The following APELA variants were observed in gnomAD, a reference collection of about 807,000 sequenced individuals.
APELA encodes protein Elabela.
At position 164,886,882 on chromosome 4, in the gene APELA, G is replaced by A. The variant is rs546808238; in HGVS notation, c.*1+7873G>A. Among the ~76,000 whole-genome samples the A allele has an allele frequency of 1.8e-4, 27 of 151,880 alleles. No individual in the cohort carries two copies. The East Asian group carries it at 2.1e-3, about 12-fold the overall frequency. The stretch of plus-strand genomic sequence containing the variant: ...GTTGCCTAGGCTGGAGTGTAGTGCA[G>A]TGGCACAATCTCGGCTCACTGCACC... On this transcript the variant is annotated intron_variant, in intron 2 of 2. Transcript: ENST00000507152.
intron 2 of APELA, among the ~76,000 whole-genome samples, chr4:164,881,668 C>T (rs746655334): frequency 9.9e-5 from 15 of 151,978 alleles, no homozygotes; most frequent in East Asian, 1.9e-4. Context: ...AAAATGAGGT[C>T]GCGACTTAAG....
chr4:164,897,829 G>A (rs1731003382), downstream of APELA, among the ~76,000 whole-genome samples: 2 of 152,182 alleles, frequency 1.3e-5, no homozygotes, highest in African/African-American at 2.4e-5. Flanking sequence ...GGAGGTAAAT[G>A]AGACCAGAGG....
intron 2 of APELA, among the ~76,000 whole-genome samples, chr4:164,882,710 AG>A: frequency 6.6e-6 from 1 of 152,052 alleles, no homozygotes; most frequent in Non-Finnish European, 1.5e-5. Context: ...CTCATCATTT[AG>A]CATTAGGTAT....
chr4:164,888,498 G>T (rs1252177410), intron 2 of APELA, among the ~76,000 whole-genome samples: 1 of 152,184 alleles, frequency 6.6e-6, no homozygotes, highest in Non-Finnish European at 1.5e-5. Flanking sequence ...AAGGAAACTG[G>T]TAGTTCTTAA....
intron 2 of APELA, among the ~76,000 whole-genome samples, chr4:164,895,149 G>C (rs947301213): frequency 6.6e-6 from 1 of 152,178 alleles, no homozygotes; most frequent in African/African-American, 2.4e-5. Context: ...AGTGAGCTGA[G>C]ACCGTGCCAC....
intron 2 of APELA, among the ~76,000 whole-genome samples, chr4:164,884,079 AAG>A (rs1730713746): frequency 6.9e-6 from 1 of 144,960 alleles, no homozygotes; most frequent in African/African-American, 2.6e-5. Flanking sequence ...GAGAGAAAGA[AAG>A]AAGGAAAAAA....
chr4:164,894,749 C>T (rs1378655237), intron 2 of APELA, among the ~76,000 whole-genome samples: 1 of 152,160 alleles, frequency 6.6e-6, no homozygotes, highest in Non-Finnish European at 1.5e-5. Context: ...GTTTTCCAGG[C>T]TGTTTTTAAA....
At chr4:164,890,840 C>A (rs576982198) in intron 2 of APELA, among the ~76,000 whole-genome samples, 1 of 152,186 alleles carries the variant, frequency 6.6e-6, no homozygotes, top group Admixed American at 6.6e-5. Flanking sequence ...GTAGTGGCAT[C>A]ATTTCACATT....
At chr4:164,879,579 G>A (rs1730621156) in intron 2 of APELA, among the ~76,000 whole-genome samples, 1 of 152,056 alleles carries the variant, frequency 6.6e-6, no homozygotes, top group Non-Finnish European at 1.5e-5. Flanking sequence ...CAAGTAGCTG[G>A]GACTACAGGC....
At chr4:164,894,022 ATTTAT>A (rs1378267072) in intron 2 of APELA, among the ~76,000 whole-genome samples, 1 of 152,110 alleles carries the variant, frequency 6.6e-6, no homozygotes, top group East Asian at 1.9e-4. Flanking sequence ...TAACATTTTA[ATTTAT>A]TTAACAATTT....
At chr4:164,894,153 T>C (rs905592990) in intron 2 of APELA, among the ~76,000 whole-genome samples, 1 of 152,090 alleles carries the variant, frequency 6.6e-6, no homozygotes, top group African/African-American at 2.4e-5. Flanking sequence ...CAAAACCCTG[T>C]CTCTACTAAA....
intron 2 of APELA, among the ~76,000 whole-genome samples, chr4:164,892,080 G>T (rs888518756): frequency 6.6e-6 from 1 of 152,060 alleles, no homozygotes; most frequent in Non-Finnish European, 1.5e-5. Flanking sequence ...GGAGGCTGAG[G>T]GGGGCAGATT....
intron 2 of APELA, among the ~76,000 whole-genome samples, chr4:164,879,593 C>T (rs529941500): frequency 6.1e-4 from 93 of 152,178 alleles, no homozygotes; most frequent in African/African-American, 2.2e-3. Context: ...TACAGGCATG[C>T]GCCACCACTC....
chr4:164,888,894 G>A (rs1337974995), intron 2 of APELA, among the ~76,000 whole-genome samples: 24 of 151,936 alleles, frequency 1.6e-4, no homozygotes, highest in Admixed American at 1.2e-3. Flanking sequence ...TATTTCCTCC[G>A]CCTAGACGTG....
chr4:164,880,957 G>A (rs1730643330), intron 2 of APELA, among the ~76,000 whole-genome samples: 1 of 152,130 alleles, frequency 6.6e-6, no homozygotes, highest in South Asian at 2.1e-4. Context: ...CTCAGTTTTA[G>A]ACTCGTTCTA....
chr4:164,887,624 T>G (rs939671782), intron 2 of APELA, among the ~76,000 whole-genome samples: 6 of 152,130 alleles, frequency 3.9e-5, no homozygotes, highest in Non-Finnish European at 7.3e-5. Flanking sequence ...AAATTTTTTT[T>G]TTTTGAGATG....
chr4:164,895,420 C>T lies in APELA; in HGVS notation c.*6C>T, dbSNP rs1477406775. ...TCCCTTGCCTCTCAAATATAGATCT[C>T]TCTAGCTAACTTTACTGGATCTATC... On this transcript the variant is annotated 3_prime_UTR_variant, in exon 3 of 3. Coordinates refer to ENST00000507152, the MANE Select transcript of APELA (RefSeq NM_001297550.2). 3 of 152,058 alleles carry T rather than the reference C, an allele frequency of 2.0e-5. No homozygotes were observed. Among genetic ancestry groups the T allele is most frequent in the Non-Finnish European group, 2.9e-5 (2 of 68,014 alleles). The allele number at this position is 152,058 out of a possible 1,614,324, so 9.4% of individuals were successfully genotyped here. A position where few individuals can be genotyped will look rare whatever the true frequency, so the allele number is the denominator to read the frequency against.
chr4:164,883,628 C>T (rs60409586), intron 2 of APELA, among the ~76,000 whole-genome samples: 3,645 of 151,538 alleles, frequency 0.024, 128 homozygotes, highest in African/African-American at 0.082. Flanking sequence ...CTGACAGTAC[C>T]GGTGTGTGCC....
At chr4:164,898,970 T>C (rs1225268846), downstream of APELA, 1 of 152,078 alleles carries the variant, frequency 6.6e-6, no homozygotes, top group East Asian at 1.9e-4. Context: ...GAAAAATACA[T>C]GATGAATAAA....
Sources: allele counts gnomAD v4.1 joint callset (sites outside exome capture counted in the v4.1 genomes callset), GRCh38; gene constraint gnomAD v4.1.1; transcripts MANE v1.5; gene names NCBI Gene and HGNC (gene_info 2026-07-23, HGNC 2026-07-21).